Variants in PCDHGA4 observed in about 807,000 individuals in gnomAD.
The protein encoded by PCDHGA4 is protocadherin gamma subfamily A, 4.
In PCDHGA4, 38 loss-of-function variants were observed where a neutral mutation model predicts 54.6. The observed-to-expected ratio is 0.70, with a 90% CI of 0.54 to 0.91. The LOEUF is 0.91. Ranked by LOEUF, PCDHGA4 falls within the 40% of genes least tolerant of loss-of-function variation. The pLI is 0.00. For synonymous variants in PCDHGA4, 511 were observed against 512.9 expected (o/e 1.00, Z 0.05); for missense variants, 1,298 against 1,220.9 (o/e 1.06, Z -0.94).
At chr5:141,419,717 G>A (rs1159633605) in intron 1 of PCDHGA4, 3 of 1,613,236 alleles carry the variant, frequency 1.9e-6, no homozygotes, top group Non-Finnish European at 2.5e-6. Flanking sequence ...CTTCAGCCTG[G>A]GGCTGCGAAC....
At chr5:141,365,743 CT>C (rs2149881259) in intron 1 of PCDHGA4, 1 of 1,613,828 alleles carries the variant, frequency 6.2e-7, no homozygotes, top group Non-Finnish European at 8.5e-7. Context: ...GTGTCTCTAT[CT>C]TCTCTGTGAC....
At position 141,366,076 on chromosome 5, in the gene PCDHGA4, A is replaced by G. The variant is rs774100476; in HGVS notation, c.2514+8455A>G. The G allele has an allele frequency of 7.4e-6, 12 of 1,614,128 alleles. No individual in the cohort carries two copies. In the East Asian group the frequency reaches 2.2e-4, roughly 30 times the overall value. The stretch of plus-strand genomic sequence containing the variant: ...GCGTGGAGCTGGCGCCTCGCTCCGC[A>G]GAACCTGGCTACCTGGTGACCAAGG... On this transcript the variant is annotated intron_variant, in intron 1 of 3. Coordinates refer to ENST00000571252, the MANE Select transcript of PCDHGA4 (RefSeq NM_018917.4).
At position 141,476,683 on chromosome 5, in the gene PCDHGA4, C is replaced by T; in HGVS notation, c.2515-18124C>T. The T allele has an allele frequency of 1.9e-6, 3 of 1,614,242 alleles. No homozygotes were observed. Among genetic ancestry groups the T allele is most frequent in the Non-Finnish European group, 2.5e-6 (3 of 1,180,052 alleles). ...CGCTTCGCGTGCAGACGCGGGAGGA[C>T]AGCACCAAGTACGCGGAGCTGGTGT... On this transcript the variant is annotated intron_variant, in intron 1 of 3. Coordinates refer to ENST00000571252, the MANE Select transcript of PCDHGA4 (RefSeq NM_018917.4). The surrounding 1 kb of genome is among the most constrained non-coding windows in gnomAD (Gnocchi z 7.6).
chr5:141,393,684 T>A, intron 1 of PCDHGA4: 1 of 1,613,904 alleles, frequency 6.2e-7, no homozygotes, highest in Non-Finnish European at 8.5e-7. Flanking sequence ...ACAAACTCCG[T>A]TATTCCAGCT....
chr5:141,494,962 T>G (rs1644946600), intron 2 of PCDHGA4, 97 bp downstream of exon 2: 4 of 1,596,756 alleles, frequency 2.5e-6, no homozygotes, highest in Non-Finnish European at 3.4e-6. Context: ...TTGCTACAGA[T>G]GGCTTCTCCC....
At chr5:141,370,778 C>T in intron 1 of PCDHGA4, 1 of 1,613,986 alleles carries the variant, frequency 6.2e-7, no homozygotes, top group Non-Finnish European at 8.5e-7. Flanking sequence ...ATATTAACGA[C>T]AACCCACCGA....
Position 141,432,320 on chromosome 5 carries a change from G to A in PCDHGA4, c.2515-62487G>A, listed in dbSNP as rs369088426. 4 of 1,614,120 alleles carry A rather than the reference G, an allele frequency of 2.5e-6. No individual in the cohort carries two copies. The African/African-American group carries it at 4.0e-5, about 16-fold the overall frequency. On this transcript the variant is annotated intron_variant, in intron 1 of 3. Coordinates refer to ENST00000571252, the MANE Select transcript of PCDHGA4 (RefSeq NM_018917.4). The surrounding 1 kb of genome is among the most constrained non-coding windows in gnomAD (Gnocchi z 6.0). ...GGTACTGTATGCGCTGAGCTCCTTC[G>A]ACTACGAGCAGTTCCGAGACTTGCA...
chr5:141,366,221 G>C lies in PCDHGA4; in HGVS notation c.2514+8600G>C, dbSNP rs774963460. 7 of 1,613,716 alleles carry C rather than the reference G, an allele frequency of 4.3e-6. No individual in the cohort carries two copies. The East Asian group carries it at 1.6e-4, about 36-fold the overall frequency. ...CACGGGCGAGGTGCGCACAGCGCGA[G>C]CCCTGCTGGACAGAGACGCGCTCAA... On this transcript the variant is annotated intron_variant, in intron 1 of 3. Coordinates refer to ENST00000571252, the MANE Select transcript of PCDHGA4 (RefSeq NM_018917.4).
At chr5:141,370,601 T>C in intron 1 of PCDHGA4, 1 of 1,614,004 alleles carries the variant, frequency 6.2e-7, no homozygotes. Flanking sequence ...TGCGGGTTAT[T>C]GCAGAGAAGA....
intron 1 of PCDHGA4, chr5:141,360,941 G>T: frequency 6.2e-7 from 1 of 1,613,946 alleles, no homozygotes. Context: ...GCCACCGACC[G>T]GGATGAAGGC....
chr5:141,383,655 C>T, intron 1 of PCDHGA4: 1 of 1,613,986 alleles, frequency 6.2e-7, no homozygotes, highest in East Asian at 2.2e-5. Context: ...TAACTGTCCC[C>T]GAGAATGTGC....
chr5:141,367,766 A>G (rs1166226365), intron 1 of PCDHGA4: 1 of 152,176 alleles, frequency 6.6e-6, no homozygotes, highest in East Asian at 1.9e-4. Context: ...TGCACTCAAT[A>G]AATGTAAATA....
chr5:141,510,837 GTCAAGGCCCAGGGTGC>G, intron 3 of PCDHGA4, 94 bp from the exon 4 acceptor site: 1 of 1,586,392 alleles, frequency 6.3e-7, no homozygotes, highest in Non-Finnish European at 8.6e-7. Flanking sequence ...GCTCAGCGTG[GTCAAGGCCCAGGGTGC>G]TGTATAGGCA....
chr5:141,401,125 C>T (rs2094118410), intron 1 of PCDHGA4, among the ~76,000 whole-genome samples: 1 of 152,200 alleles, frequency 6.6e-6, no homozygotes, highest in South Asian at 2.1e-4. Context: ...GGTTGGATCA[C>T]ATGGTCAGGA....
intron 1 of PCDHGA4, chr5:141,413,618 A>G (rs1188549125): frequency 6.2e-7 from 1 of 1,613,916 alleles, no homozygotes; most frequent in Non-Finnish European, 8.5e-7. Context: ...AAAATTAATG[A>G]AAATGTCGCT....
At chr5:141,362,100 C>T (rs1266729746) in intron 1 of PCDHGA4, 26 of 1,613,752 alleles carry the variant, frequency 1.6e-5, no homozygotes, top group Non-Finnish European at 1.9e-5. Context: ...CGCCACTCTC[C>T]GCTACGGCCA....
intron 1 of PCDHGA4, chr5:141,360,285 C>T: frequency 1.2e-6 from 2 of 1,613,972 alleles, no homozygotes; most frequent in Non-Finnish European, 1.7e-6. Context: ...TAGGAAACCT[C>T]GCCAAGGATC....
intron 1 of PCDHGA4, among the ~76,000 whole-genome samples, chr5:141,381,670 T>C (rs1383738220): frequency 6.6e-6 from 1 of 152,198 alleles, no homozygotes; most frequent in Non-Finnish European, 1.5e-5. Context: ...CTATAGCTGA[T>C]TGCTGCAGCC....
intron 1 of PCDHGA4, chr5:141,408,693 T>C (rs1561714723): frequency 6.2e-6 from 10 of 1,613,768 alleles, no homozygotes; most frequent in Non-Finnish European, 8.5e-6. Flanking sequence ...GATATAAACA[T>C]AAACTCAATT....
Sources: allele counts gnomAD v4.1 joint callset (sites outside exome capture counted in the v4.1 genomes callset), GRCh38; gene constraint gnomAD v4.1.1; non-coding constraint Gnocchi (gnomAD v3.1); transcripts MANE v1.5; gene names NCBI Gene and HGNC (gene_info 2026-07-23, HGNC 2026-07-21).